ACSM1: variants seen among roughly 807,000 people sequenced by gnomAD.
The protein encoded by ACSM1 is acyl-CoA synthetase medium chain family member 1.
ACSM1 carries 79 observed loss-of-function variants against 75.8 expected under a neutral mutation model. The observed-to-expected ratio is 1.04, with a 90% CI of 0.87 to 1.26. The LOEUF is 1.26. Ranked by LOEUF, ACSM1 falls within the 50% of genes most tolerant of loss-of-function variation. ACSM1 has a pLI of 0.00. For missense variants in ACSM1, 676 were observed against 720.1 expected, an observed-to-expected ratio of 0.94 and a Z score of 0.70; for synonymous variants, 279 against 265.8, an observed-to-expected ratio of 1.05 and a Z score of -0.48.
chr16:20,661,871 T>C lies in ACSM1; in HGVS notation c.915A>G (p.Thr305=). 6.2e-7 allele frequency: 1 copy of C among 1,602,346 alleles called. No individual in the cohort carries two copies. Among genetic ancestry groups the C allele is most frequent in the Non-Finnish European group, 8.5e-7 (1 of 1,170,736 alleles). Residue 305 remains threonine, a splice_region_variant and synonymous_variant, in exon 7 of 14, where the codon ACA becomes ACG. Transcript: ENST00000520010. ...PQFDTKVIIQ[T]LLKYPINHFW... is the part of the protein sequence containing the mutation. ...AGTGGTTAATGGGGTATTTCAACAA[T>C]GTCTGGAAAGGGAAGAGAGAAGAAA...
chr16:20,659,409 A>C (rs2019176651), intron 7 of ACSM1, among the ~76,000 whole-genome samples: 1 of 152,120 alleles, frequency 6.6e-6, no homozygotes, highest in Non-Finnish European at 1.5e-5. Flanking sequence ...CTGAGGACTG[A>C]GCTCTGATTT....
At position 20,671,672 on chromosome 16, in the gene ACSM1, C is replaced by A; in HGVS notation, c.612-1G>T. Reference sequence around the variant, plus strand: ...ACAGGTGTGTTCTGGGGATGCTGATCTGCAAAGGGGTTCAAGACAAAAGGA... The same window carrying A: ...ACAGGTGTGTTCTGGGGATGCTGATATGCAAAGGGGTTCAAGACAAAAGGA... On this transcript the variant is annotated splice_acceptor_variant, in intron 4 of 13. Transcript: ENST00000520010. LOFTEE classifies it high-confidence loss of function. 1 of 1,556,818 alleles carries A rather than the reference C, an allele frequency of 6.4e-7. No individual in the cohort carries two copies. Among genetic ancestry groups the A allele is most frequent in the South Asian group, 1.2e-5 (1 of 83,450 alleles).
intron 11 of ACSM1, among the ~76,000 whole-genome samples, chr16:20,625,940 T>C (rs1179117880): frequency 6.6e-6 from 1 of 152,364 alleles, no homozygotes; most frequent in East Asian, 1.9e-4. Flanking sequence ...GATGTTTTGA[T>C]GTACATATAC....
chr16:20,633,476 G>A (rs759142357), intron 10 of ACSM1, among the ~76,000 whole-genome samples: 5 of 152,076 alleles, frequency 3.3e-5, no homozygotes, highest in African/African-American at 7.2e-5. Context: ...AATCAGGGAG[G>A]CAAAAGACTT....
chr16:20,640,199 C>T (rs1481046190), intron 8 of ACSM1, among the ~76,000 whole-genome samples: 1 of 152,186 alleles, frequency 6.6e-6, no homozygotes, highest in Non-Finnish European at 1.5e-5. Flanking sequence ...GTGACTCTTC[C>T]TCTACCCTTC....
At chr16:20,652,533 CAAGA>C (rs2152240010) in intron 7 of ACSM1, among the ~76,000 whole-genome samples, 1 of 151,704 alleles carries the variant, frequency 6.6e-6, no homozygotes, top group Non-Finnish European at 1.5e-5. Context: ...TGGGATTACA[CAAGA>C]AAGAGGGATA....
intron 2 of ACSM1, among the ~76,000 whole-genome samples, chr16:20,689,728 T>G (rs2079618465): frequency 6.6e-6 from 1 of 152,208 alleles, no homozygotes; most frequent in African/African-American, 2.4e-5. Flanking sequence ...TCCTTTTACT[T>G]CCTTCCTCTC....
intron 5 of ACSM1, 100 bp from the exon 6 acceptor site, chr16:20,670,086 T>A: frequency 1.7e-6 from 2 of 1,199,102 alleles, no homozygotes; most frequent in South Asian, 1.4e-5. Context: ...TTTCTCACTC[T>A]CAGTTCATGT....
chr16:20,680,792 A>G (rs889316729), intron 4 of ACSM1: 1 of 152,220 alleles, frequency 6.6e-6, no homozygotes, highest in African/African-American at 2.4e-5. Flanking sequence ...CATCAACTAG[A>G]GGTTCCAAAT....
intron 1 of ACSM1, among the ~76,000 whole-genome samples, chr16:20,693,148 C>A (rs1187128798): frequency 2.8e-5 from 4 of 142,688 alleles, no homozygotes; most frequent in African/African-American, 1.0e-4. Context: ...GAAGCCTGGG[C>A]AACAGAGCAA....
At chr16:20,658,510 T>A (rs1484039015) in intron 7 of ACSM1, among the ~76,000 whole-genome samples, 1 of 152,164 alleles carries the variant, frequency 6.6e-6, no homozygotes, top group Non-Finnish European at 1.5e-5. Context: ...CCTGTCCACA[T>A]CCATTCCTAT....
Position 20,691,047 on chromosome 16 carries a change from C to T in ACSM1, c.142G>A (p.Glu48Lys). 6.2e-7 allele frequency: 1 copy of T among 1,613,768 alleles called. No individual in the cohort carries two copies. Among genetic ancestry groups the T allele is most frequent in the Non-Finnish European group, 8.5e-7 (1 of 1,179,848 alleles). ...PRWNDYEVPE[E>K]FNFASYVLDY... Reference sequence around the variant, plus strand: ...AGTACATAACTTGCAAAGTTAAATTCCTCCGGTACTTCATAGTCATTCCAT... The same window carrying T: ...AGTACATAACTTGCAAAGTTAAATTTCTCCGGTACTTCATAGTCATTCCAT... Residue 48 changes from glutamate (E) to lysine (K), a missense_variant, in exon 2 of 14, where the codon GAA becomes AAA. Transcript: ENST00000520010.
At chr16:20,654,100 AAAC>A (rs1262277034) in intron 7 of ACSM1, among the ~76,000 whole-genome samples, 2 of 152,204 alleles carry the variant, frequency 1.3e-5, no homozygotes, top group Admixed American at 1.3e-4. Context: ...AAATAATACC[AAAC>A]ATCTACAACC....
At chr16:20,686,755 G>A (rs1157837886) in intron 2 of ACSM1, among the ~76,000 whole-genome samples, 1 of 151,850 alleles carries the variant, frequency 6.6e-6, no homozygotes, top group East Asian at 1.9e-4. Flanking sequence ...AGGCTACAGT[G>A]ATTGTGCCAC....
At chr16:20,639,361 A>C (rs751226228) in intron 8 of ACSM1, among the ~76,000 whole-genome samples, 7 of 152,142 alleles carry the variant, frequency 4.6e-5, no homozygotes, top group Non-Finnish European at 1.0e-4. Context: ...CCACAGTCAA[A>C]CCTGCGAGTT....
intron 7 of ACSM1, among the ~76,000 whole-genome samples, chr16:20,656,772 T>A (rs2018983719): frequency 6.6e-6 from 1 of 152,030 alleles, no homozygotes. Context: ...CTGCCAAAAC[T>A]ATACAAGTTG....
At chr16:20,639,776 G>A (rs544873379) in intron 8 of ACSM1, among the ~76,000 whole-genome samples, 2 of 152,238 alleles carry the variant, frequency 1.3e-5, no homozygotes, top group African/African-American at 4.8e-5. Context: ...GGGCTCAATC[G>A]CTGAGCACAT....
intron 6 of ACSM1, among the ~76,000 whole-genome samples, chr16:20,665,820 G>T (rs932327949): frequency 5.3e-5 from 8 of 152,080 alleles, no homozygotes; most frequent in Admixed American, 6.6e-5. Context: ...GGGATGCAAG[G>T]TTGGGTCAAC....
rs902063921 is a variant in ACSM1 at position 20,669,428 on chromosome 16, T to C, written c.912+399A>G. Among the ~76,000 whole-genome samples the C allele has an allele frequency of 9.5e-4, 136 of 143,712 alleles. 1 individual carries two copies. The highest frequency in any genetic ancestry group is 3.7e-3 in the African/African-American group (135 of 36,540). The allele number at this position is 143,712 out of a possible 152,430, so 94.3% of individuals were successfully genotyped here. A position where few individuals can be genotyped will look rare whatever the true frequency, so the allele number is the denominator to read the frequency against. ...AGGGCTGTTTTTAAACATTTTATCA[T>C]ATTGAGTAAGAAAACACACACACAC... On this transcript the variant is annotated intron_variant, in intron 6 of 13. Coordinates refer to ENST00000520010, the MANE Select transcript of ACSM1 (RefSeq NM_001318890.3).
Sources: gnomAD v4.1 joint callset for allele counts (sites outside exome capture counted in the v4.1 genomes callset) on GRCh38, gnomAD v4.1.1 for gene constraint, MANE v1.5 for transcripts, NCBI Gene and HGNC (gene_info 2026-07-23, HGNC 2026-07-21) for gene names.